The following SRD5A2 variants were observed in gnomAD, a reference collection of about 807,000 sequenced individuals.
SRD5A2 encodes the protein 3-oxo-5-alpha-steroid 4-dehydrogenase 2.
SRD5A2 carries 30 observed loss-of-function variants against 27.4 expected under a neutral mutation model. The observed-to-expected ratio is 1.10, with a 90% CI of 0.82 to 1.49. SRD5A2 has a LOEUF of 1.49. Among genes scored for constraint, SRD5A2 ranks in the 40% most tolerant of loss-of-function variants. SRD5A2 has a pLI of 0.00. For missense variants in SRD5A2, 348 were observed against 323.4 expected (o/e 1.08, Z -0.58); for synonymous variants, 141 against 133.6 (o/e 1.06, Z -0.38).
chr2:31,623,657 G>A, the SRD5A2 span, among the ~76,000 whole-genome samples: 1 of 152,068 alleles, frequency 6.6e-6, no homozygotes, highest in Non-Finnish European at 1.5e-5. Context: ...GGAGTGGTGA[G>A]TGAGGGCCTC....
chr2:31,636,285 A>G, the SRD5A2 span, among the ~76,000 whole-genome samples: 1 of 151,870 alleles, frequency 6.6e-6, no homozygotes, highest in Non-Finnish European at 1.5e-5. Context: ...GGTATTTTAT[A>G]TTTTTATAGC....
At chr2:31,561,997 C>A (rs531405890) in intron 1 of SRD5A2, among the ~76,000 whole-genome samples, 11 of 152,242 alleles carry the variant, frequency 7.2e-5, no homozygotes, top group African/African-American at 2.4e-4. Context: ...CAAGAAAATA[C>A]AAATATTGAC....
At chr2:31,581,096 G>T, upstream of SRD5A2, 1 of 608,232 alleles carries the variant, frequency 1.6e-6, no homozygotes, top group Non-Finnish European at 2.8e-6. Context: ...GGATGCAGCC[G>T]CGGTGGCCGG....
upstream of SRD5A2, among the ~76,000 whole-genome samples, chr2:31,581,248 A>G (rs979967174): frequency 1.3e-5 from 2 of 151,988 alleles, no homozygotes; most frequent in Admixed American, 1.3e-4. Context: ...CGGGAAGAAA[A>G]CCCCACGGGG....
intron 1 of SRD5A2, among the ~76,000 whole-genome samples, chr2:31,540,146 A>C (rs1320023177): frequency 6.6e-6 from 1 of 152,184 alleles, no homozygotes; most frequent in Non-Finnish European, 1.5e-5. Flanking sequence ...ATAATTTAAC[A>C]CCAAGAGCAA....
chr2:31,658,929 G>A, the SRD5A2 span, among the ~76,000 whole-genome samples: 1 of 151,806 alleles, frequency 6.6e-6, no homozygotes, highest in African/African-American at 2.4e-5. Flanking sequence ...AAAACTTCAG[G>A]CCAATATCCC....
the SRD5A2 span, among the ~76,000 whole-genome samples, chr2:31,628,484 T>C: frequency 6.6e-6 from 1 of 152,174 alleles, no homozygotes; most frequent in African/African-American, 2.4e-5. Flanking sequence ...AAGGTTAGTA[T>C]TGATATGTGT....
At chr2:31,650,017 T>G in the SRD5A2 span, among the ~76,000 whole-genome samples, 1 of 152,130 alleles carries the variant, frequency 6.6e-6, no homozygotes. Context: ...CTCAACATTA[T>G]CAGTACCCAA....
At chr2:31,574,408 C>T (rs1368466713) in intron 1 of SRD5A2, among the ~76,000 whole-genome samples, 1 of 152,138 alleles carries the variant, frequency 6.6e-6, no homozygotes, top group African/African-American at 2.4e-5. Flanking sequence ...TCCTTGAATT[C>T]CCATCGTAAT....
At chr2:31,543,676 T>G (rs1378679780) in intron 1 of SRD5A2, among the ~76,000 whole-genome samples, 2 of 152,120 alleles carry the variant, frequency 1.3e-5, no homozygotes, top group Non-Finnish European at 2.9e-5. Flanking sequence ...TTATTGAAAT[T>G]AAGCTGGTTT....
chr2:31,527,982 C>G (rs1665819774), intron 4 of SRD5A2, among the ~76,000 whole-genome samples: 1 of 152,194 alleles, frequency 6.6e-6, no homozygotes, highest in Non-Finnish European at 1.5e-5. Flanking sequence ...CCACAAAAGC[C>G]ATTTTAGGGA....
At chr2:31,637,082 C>T in the SRD5A2 span, among the ~76,000 whole-genome samples, 1 of 152,016 alleles carries the variant, frequency 6.6e-6, no homozygotes, top group African/African-American at 2.4e-5. Flanking sequence ...TAAAATTAAG[C>T]AGTGAAGCCA....
At chr2:31,630,491 G>C in the SRD5A2 span, among the ~76,000 whole-genome samples, 1 of 152,156 alleles carries the variant, frequency 6.6e-6, no homozygotes, top group Non-Finnish European at 1.5e-5. Context: ...CTTGTTGTCA[G>C]TGTAAACAAG....
chr2:31,658,552 G>C, the SRD5A2 span, among the ~76,000 whole-genome samples: 5 of 148,548 alleles, frequency 3.4e-5, no homozygotes, highest in Non-Finnish European at 7.4e-5. Flanking sequence ...TGACCCCACA[G>C]AAATAAAAAA....
At chr2:31,582,720 AC>A (rs1399396391), upstream of SRD5A2, among the ~76,000 whole-genome samples, 2 of 152,058 alleles carry the variant, frequency 1.3e-5, no homozygotes, top group Non-Finnish European at 2.9e-5. Context: ...AACCAGCCCT[AC>A]CCAAAACTAA....
chr2:31,581,044 C>G (rs1667073477), upstream of SRD5A2: 1 of 861,748 alleles, frequency 1.2e-6, no homozygotes. Flanking sequence ...CACCTCGCCG[C>G]GTCCAGCCCT....
At chr2:31,557,252 G>A (rs1666516831) in intron 1 of SRD5A2, among the ~76,000 whole-genome samples, 1 of 152,194 alleles carries the variant, frequency 6.6e-6, no homozygotes, top group African/African-American at 2.4e-5. Context: ...TCACAACCTT[G>A]GGCACATGAC....
the SRD5A2 span, among the ~76,000 whole-genome samples, chr2:31,592,343 AGTCCTGAGTCT>A: frequency 2.6e-5 from 4 of 152,280 alleles, no homozygotes; most frequent in South Asian, 8.3e-4. Context: ...GCTAACCGGA[AGTCCTGAGTCT>A]GTCCATGTGA....
At chr2:31,642,862 T>C in the SRD5A2 span, among the ~76,000 whole-genome samples, 1 of 152,110 alleles carries the variant, frequency 6.6e-6, no homozygotes, top group Non-Finnish European at 1.5e-5. Flanking sequence ...CTACTACTGA[T>C]ACTATTGACA....
Sources: gnomAD v4.1 joint callset for allele counts (sites outside exome capture counted in the v4.1 genomes callset) on GRCh38, gnomAD v4.1.1 for gene constraint, MANE v1.5 for transcripts, NCBI Gene and HGNC (gene_info 2026-07-23, HGNC 2026-07-21) for gene names.